CHCHD6: variants seen among roughly 807,000 people sequenced by gnomAD.
The protein encoded by CHCHD6 is MICOS complex subunit MIC25.
In CHCHD6, 28 loss-of-function variants were observed where a neutral mutation model predicts 32.3. The observed-to-expected ratio is 0.87, with a 90% confidence interval of 0.64 to 1.19. CHCHD6 has a LOEUF of 1.19. Among genes scored for constraint, CHCHD6 ranks in the 50% most tolerant of loss-of-function variants. The probability of loss-of-function intolerance (pLI) is 0.00; values close to 1 mark genes in which losing one functional copy is unlikely to be tolerated. For synonymous variants in CHCHD6, 122 were observed against 117.5 expected (o/e 1.04, Z -0.25); for missense variants, 333 against 307.0 (o/e 1.08, Z -0.63).
chr3:126,787,513 T>G (rs976681106), intron 4 of CHCHD6, among the ~76,000 whole-genome samples: 4 of 152,200 alleles, frequency 2.6e-5, no homozygotes, highest in African/African-American at 9.7e-5. Context: ...AGCAGTGGTT[T>G]GTAGTTCTCC....
chr3:126,884,342 G>C (rs1018968930), intron 5 of CHCHD6, among the ~76,000 whole-genome samples: 2 of 152,172 alleles, frequency 1.3e-5, no homozygotes, highest in Non-Finnish European at 2.9e-5. Context: ...CATTCAGCAA[G>C]AACCATTTGT....
chr3:126,704,601 A>C (rs1934383531), intron 1 of CHCHD6, among the ~76,000 whole-genome samples: 1 of 152,146 alleles, frequency 6.6e-6, no homozygotes, highest in South Asian at 2.1e-4. Flanking sequence ...CATGGGCTTC[A>C]GGGAAGGAGG....
rs78436981 is a variant in CHCHD6, at chr3:126,740,796, G to A, written c.411+7574G>A. On this transcript the variant is annotated intron_variant, in intron 4 of 7. Transcript: ENST00000290913. Reference sequence around the variant, plus strand: ...AACCTGGCCTTGGTGGTTATATGATGTGACAAATTTTGGAGAAAGGAAAAC... The same window carrying A: ...AACCTGGCCTTGGTGGTTATATGATATGACAAATTTTGGAGAAAGGAAAAC... 5.8e-3 allele frequency among the ~76,000 whole-genome samples: 885 copies of A among 152,332 alleles called. 11 individuals carry two copies. The highest frequency in any genetic ancestry group is 0.02 in the African/African-American group (849 of 41,574).
chr3:126,911,762 A>G (rs1222476225), intron 5 of CHCHD6, among the ~76,000 whole-genome samples: 3 of 152,244 alleles, frequency 2.0e-5, no homozygotes. Flanking sequence ...GCAGTATGGC[A>G]TCTTGAGCAC....
chr3:126,905,188 G>C (rs1161894691), intron 5 of CHCHD6, among the ~76,000 whole-genome samples: 1 of 152,194 alleles, frequency 6.6e-6, no homozygotes, highest in Non-Finnish European at 1.5e-5. Context: ...GTAAAGAACT[G>C]ACTCTGAGCC....
At chr3:126,925,341 CTCTG>C (rs1282433118) in intron 6 of CHCHD6, among the ~76,000 whole-genome samples, 10 of 152,284 alleles carry the variant, frequency 6.6e-5, no homozygotes, top group African/African-American at 2.4e-4. Context: ...AATTTTATTC[CTCTG>C]AGAAGGAAAC....
chr3:126,712,919 G>A (rs1347675733), intron 1 of CHCHD6, among the ~76,000 whole-genome samples: 1 of 152,198 alleles, frequency 6.6e-6, no homozygotes, highest in Non-Finnish European at 1.5e-5. Context: ...TGTCTCTTCT[G>A]TTGTGAGTAG....
intron 4 of CHCHD6, among the ~76,000 whole-genome samples, chr3:126,756,969 C>T (rs866474305): frequency 4.6e-5 from 7 of 152,208 alleles, no homozygotes; most frequent in Non-Finnish European, 1.0e-4. Context: ...TCCTTGTGCA[C>T]TTGTAAATCA....
At chr3:126,791,761 C>T in intron 4 of CHCHD6, among the ~76,000 whole-genome samples, 1 of 152,196 alleles carries the variant, frequency 6.6e-6, no homozygotes, top group South Asian at 2.1e-4. Context: ...AGGTGTATGC[C>T]ACCATGCCCA....
At chr3:126,921,650 A>G (rs564890629) in intron 6 of CHCHD6, among the ~76,000 whole-genome samples, 23 of 152,248 alleles carry the variant, frequency 1.5e-4, no homozygotes, top group Admixed American at 2.6e-4. Context: ...GTTATTAACT[A>G]TTTCCTGAAA....
chr3:126,782,976 A>G (rs1938021081), intron 4 of CHCHD6, among the ~76,000 whole-genome samples: 1 of 152,166 alleles, frequency 6.6e-6, no homozygotes, highest in African/African-American at 2.4e-5. Context: ...GTCCAGCACC[A>G]TTTATTGAAT....
intron 5 of CHCHD6, among the ~76,000 whole-genome samples, chr3:126,889,172 G>C (rs987480837): frequency 6.6e-6 from 1 of 152,138 alleles, no homozygotes; most frequent in East Asian, 1.9e-4. Flanking sequence ...TAGGAATGAG[G>C]GAAGCAGCTC....
chr3:126,730,415 G>A, intron 2 of CHCHD6, 146 bp from the exon 3 acceptor site: 6 of 638,528 alleles, frequency 9.4e-6, no homozygotes, highest in Non-Finnish European at 1.4e-5. Flanking sequence ...CTGCCCCTGT[G>A]GACGCTCCTT....
At chr3:126,802,185 T>C (rs1176516104) in intron 4 of CHCHD6, among the ~76,000 whole-genome samples, 1 of 152,214 alleles carries the variant, frequency 6.6e-6, no homozygotes, top group Non-Finnish European at 1.5e-5. Flanking sequence ...ATGCAGTTCC[T>C]TACCAGCAAC....
At chr3:126,934,650 G>A (rs1259861724) in intron 6 of CHCHD6, among the ~76,000 whole-genome samples, 3 of 138,370 alleles carry the variant, frequency 2.2e-5, no homozygotes, top group Non-Finnish European at 4.6e-5. Flanking sequence ...CCGGGTTCAC[G>A]CCATTCTCCT....
intron 4 of CHCHD6, among the ~76,000 whole-genome samples, 189 bp from the exon 5 acceptor site, chr3:126,852,458 C>T (rs1941505640): frequency 6.6e-6 from 1 of 152,144 alleles, no homozygotes; most frequent in Non-Finnish European, 1.5e-5. Context: ...TAATTACCCA[C>T]CTTGAAGGAT....
chr3:126,767,563 C>G, intron 4 of CHCHD6: 2 of 398,506 alleles, frequency 5.0e-6, no homozygotes, highest in Non-Finnish European at 9.2e-6. Context: ...GTTAGCTTAC[C>G]CAAAGCATTT....
intron 5 of CHCHD6, among the ~76,000 whole-genome samples, chr3:126,885,911 G>T (rs538397372): frequency 6.6e-6 from 1 of 152,326 alleles, no homozygotes; most frequent in African/African-American, 2.4e-5. Context: ...AGAATTCCCA[G>T]GATGAGAAGT....
At chr3:126,875,769 A>G (rs1292270974) in intron 5 of CHCHD6, among the ~76,000 whole-genome samples, 2 of 152,216 alleles carry the variant, frequency 1.3e-5, no homozygotes, top group East Asian at 3.8e-4. Flanking sequence ...CTTCTAACAA[A>G]CAAAGCACTG....
Sources: gnomAD v4.1 joint callset for allele counts (sites outside exome capture counted in the v4.1 genomes callset) on GRCh38, gnomAD v4.1.1 for gene constraint, MANE v1.5 for transcripts, NCBI Gene and HGNC (gene_info 2026-07-23, HGNC 2026-07-21) for gene names.